The following BDKRB2 variants were observed in gnomAD, a reference collection of about 807,000 sequenced individuals.
The protein encoded by BDKRB2 is bradykinin receptor B2, also known as B2 bradykinin receptor.
A neutral mutation model predicts 4.0 loss-of-function variants in BDKRB2; 6 were observed. That is an observed-to-expected ratio of 1.49 (90% CI 0.81 to 2.93). BDKRB2 has a LOEUF of 2.93. Ranked by LOEUF, BDKRB2 falls within the 30% of genes most tolerant of loss-of-function variation. The pLI, the probability that BDKRB2 is intolerant of heterozygous loss-of-function variation, is 0.00. For synonymous variants in BDKRB2, 225 were observed against 215.3 expected, an observed-to-expected ratio of 1.05 and a Z score of -0.40; for missense variants, 478 against 520.1, an observed-to-expected ratio of 0.92 and a Z score of 0.79.
chr14:96,237,164 C>T lies in BDKRB2; in HGVS notation c.57C>T (p.Pro19=). 1 of 1,613,852 alleles carries T rather than the reference C, an allele frequency of 6.2e-7. No individual in the cohort carries two copies. Among genetic ancestry groups the T allele is most frequent in the South Asian group, 1.1e-5 (1 of 91,076 alleles). The change falls in exon 2 of 3, where the codon CCC becomes CCT. Residue 19 remains proline, a synonymous_variant. Transcript: ENST00000554311. ...TGTCTGTTCGTGAGGACTCCGTGCC[C>T]ACCACGGCCTCTTTCAGGTGAGTCA... is the stretch of plus-strand genomic sequence containing the variant. The part of the protein sequence containing the change: ...MFLSVREDSV[P]TTASFSADML...
intron 1 of BDKRB2, among the ~76,000 whole-genome samples, chr14:96,205,468 G>A (rs1437250739): frequency 7.0e-6 from 1 of 143,528 alleles, no homozygotes; most frequent in Non-Finnish European, 1.5e-5. Flanking sequence ...GGGTGGCAGG[G>A]TTAAATCAGA....
At chr14:96,216,883 T>A (rs1890441635) in intron 1 of BDKRB2, among the ~76,000 whole-genome samples, 1 of 152,078 alleles carries the variant, frequency 6.6e-6, no homozygotes, top group Non-Finnish European at 1.5e-5. Flanking sequence ...ACATCTGATA[T>A]ACAATCGGCA....
Position 96,242,732 on chromosome 14 carries a change from G to C in BDKRB2, c.*1228G>C, listed in dbSNP as rs1337705752. 1 of 152,364 alleles carries C rather than the reference G, an allele frequency of 6.6e-6. No homozygotes were observed. Among genetic ancestry groups the C allele is most frequent in the Non-Finnish European group, 1.5e-5 (1 of 68,170 alleles). 9.4% of individuals were successfully genotyped at this position (152,364 alleles called of 1,614,324 possible). ...AATCGGTCTTGCCCAGAGGATCACA[G>C]TGCTGAGACCCCCCACCACCAGCCG... On this transcript the variant is annotated 3_prime_UTR_variant, in exon 3 of 3. Coordinates refer to ENST00000554311, the MANE Select transcript of BDKRB2 (RefSeq NM_001379692.1).
At chr14:96,212,587 A>G (rs541337684) in intron 1 of BDKRB2, among the ~76,000 whole-genome samples, 1 of 152,314 alleles carries the variant, frequency 6.6e-6, no homozygotes, top group African/African-American at 2.4e-5. Context: ...GCTATGTGCT[A>G]TGCAGAGAAT....
intron 1 of BDKRB2, among the ~76,000 whole-genome samples, chr14:96,208,971 C>T (rs1200834433): frequency 1.3e-5 from 2 of 152,200 alleles, no homozygotes; most frequent in African/African-American, 4.8e-5. Context: ...CAGTGCCAGG[C>T]TCCAGCACAG....
Position 96,206,668 on chromosome 14 carries a change from G to A in BDKRB2, c.-40+1709G>A, listed in dbSNP as rs184968270. On this transcript the variant is annotated intron_variant, in intron 1 of 2. Coordinates refer to ENST00000554311, the MANE Select transcript of BDKRB2 (RefSeq NM_001379692.1). ...TTTTGCTAACACAGTGACTGGCTCA[G>A]TAACAAGTTTGGTGGCTCCAGAGGT... 1.3e-3 allele frequency among the ~76,000 whole-genome samples: 194 copies of A among 152,288 alleles called. 2 individuals carry two copies. The highest frequency in any genetic ancestry group is 4.3e-3 in the African/African-American group (179 of 41,572).
In BDKRB2 at chr14:96,241,900, GGTGCAATGGCTGAGT is replaced by G. The variant is rs1277395931; in HGVS notation, c.*398_*412del. On this transcript the variant is annotated 3_prime_UTR_variant, in exon 3 of 3. Transcript: ENST00000554311. ...TCCAGGAGAACTGCCATCCAGCTTT[GGTGCAATGGCTGAGT>G]GCACAAGTGAGTTGTTGCCCTGGGT... The G allele has an allele frequency of 5.8e-6, 1 of 172,834 alleles. No homozygotes were observed. Among genetic ancestry groups the G allele is most frequent in the East Asian group, 1.6e-4 (1 of 6,218 alleles). The allele number at this position is 172,834 out of a possible 1,614,324, so 10.7% of individuals were successfully genotyped here. A position where few individuals can be genotyped will look rare whatever the true frequency, so the allele number is the denominator to read the frequency against.
intron 1 of BDKRB2, chr14:96,223,373 A>C (rs1890621750): frequency 1.2e-6 from 1 of 845,908 alleles, no homozygotes; most frequent in East Asian, 2.4e-5. Context: ...TTTCAGACTC[A>C]AGCTTTACAC....
At chr14:96,240,289 T>C (rs138198995) in intron 2 of BDKRB2, 114 bp from the exon 3 acceptor site, 4 of 1,342,786 alleles carry the variant, frequency 3.0e-6, no homozygotes, top group African/African-American at 3.0e-5. Flanking sequence ...GAGCTCCACC[T>C]CGGCTTCTCC....
At chr14:96,225,971 G>A (rs1472530816) in intron 1 of BDKRB2, among the ~76,000 whole-genome samples, 1 of 152,154 alleles carries the variant, frequency 6.6e-6, no homozygotes, top group Non-Finnish European at 1.5e-5. Flanking sequence ...GGGCTGGAGA[G>A]GCTGCGGGAG....
chr14:96,206,255 A>G (rs758063539), intron 1 of BDKRB2, among the ~76,000 whole-genome samples: 1 of 152,040 alleles, frequency 6.6e-6, no homozygotes, highest in Non-Finnish European at 1.5e-5. Flanking sequence ...GCGTCTTTGG[A>G]TGAAAAAGAG....
At chr14:96,218,659 T>C (rs966581507) in intron 1 of BDKRB2, among the ~76,000 whole-genome samples, 4 of 152,160 alleles carry the variant, frequency 2.6e-5, no homozygotes, top group Non-Finnish European at 5.9e-5. Flanking sequence ...GGCTCATGCC[T>C]GTAATCCCAG....
chr14:96,212,259 T>C (rs563775477), intron 1 of BDKRB2, among the ~76,000 whole-genome samples: 1 of 152,296 alleles, frequency 6.6e-6, no homozygotes, highest in African/African-American at 2.4e-5. Context: ...AAGAGACAGA[T>C]CATCAAAACT....
chr14:96,227,020 C>G (rs919972843), intron 1 of BDKRB2, among the ~76,000 whole-genome samples: 1 of 152,184 alleles, frequency 6.6e-6, no homozygotes, highest in African/African-American at 2.4e-5. Flanking sequence ...AAAGCCACTC[C>G]AGCAAGAGAC....
intron 1 of BDKRB2, among the ~76,000 whole-genome samples, chr14:96,210,050 C>T (rs999171781): frequency 3.3e-5 from 5 of 152,080 alleles, no homozygotes; most frequent in South Asian, 2.1e-4. Context: ...ATATAGGAAG[C>T]TGTCAGCTAT....
At chr14:96,219,255 T>C (rs990633990) in intron 1 of BDKRB2, among the ~76,000 whole-genome samples, 3 of 152,040 alleles carry the variant, frequency 2.0e-5, no homozygotes, top group African/African-American at 7.3e-5. Context: ...TGAGCCAAGA[T>C]TGCGCCATTG....
chr14:96,240,675 C>G lies in BDKRB2; in HGVS notation c.347C>G (p.Thr116Ser). Reference protein sequence around the residue: ...LACGLPFWAITISNNFDWLFG... With the variant: ...LACGLPFWAISISNNFDWLFG... The stretch of plus-strand genomic sequence containing the variant: ...TGCGGGCTGCCCTTCTGGGCCATCA[C>G]CATCTCCAACAACTTCGACTGGCTC... The change falls in exon 3 of 3, where the codon ACC becomes AGC. Residue 116 changes from threonine (T) to serine (S), a missense_variant. Coordinates refer to ENST00000554311, the MANE Select transcript of BDKRB2 (RefSeq NM_001379692.1). 6.3e-7 allele frequency: 1 copy of G among 1,591,118 alleles called. No homozygotes were observed. Among genetic ancestry groups the G allele is most frequent in the Non-Finnish European group, 8.5e-7 (1 of 1,170,216 alleles).
At chr14:96,208,913 G>A (rs1381987663) in intron 1 of BDKRB2, among the ~76,000 whole-genome samples, 1 of 152,198 alleles carries the variant, frequency 6.6e-6, no homozygotes, top group Non-Finnish European at 1.5e-5. Flanking sequence ...GTGACATCTG[G>A]AAATGAGCAG....
At chr14:96,236,913 C>A (rs1239366368) in intron 1 of BDKRB2, among the ~76,000 whole-genome samples, 156 bp from the exon 2 acceptor site, 2 of 152,200 alleles carry the variant, frequency 1.3e-5, no homozygotes, top group Non-Finnish European at 2.9e-5. Context: ...CAGCTCCTAG[C>A]CATTGTATCC....
Sources: gnomAD v4.1 joint callset for allele counts (sites outside exome capture counted in the v4.1 genomes callset) on GRCh38, gnomAD v4.1.1 for gene constraint, MANE v1.5 for transcripts, NCBI Gene and HGNC (gene_info 2026-07-23, HGNC 2026-07-21) for gene names.